The following NCOA2 variants were observed in gnomAD, a reference collection of about 807,000 sequenced individuals.
The protein encoded by NCOA2 is class E basic helix-loop-helix protein 75.
Under a neutral mutation model 145.1 loss-of-function variants are expected in NCOA2, and 21 were observed. That is an observed-to-expected ratio of 0.14 (90% CI 0.10 to 0.21). The LOEUF (loss-of-function observed/expected upper bound fraction) is 0.21, where lower values mean the gene tolerates loss of function less well. NCOA2 is among the 10% of genes least tolerant of loss of function. The pLI, the probability that NCOA2 is intolerant of heterozygous loss-of-function variation, is 1.00. For synonymous variants in NCOA2, 619 were observed against 637.5 expected, an observed-to-expected ratio of 0.97 and a Z score of 0.44; for missense variants, 1,472 against 1,837.6, an observed-to-expected ratio of 0.80 and a Z score of 3.64.
At chr8:70,351,385 C>A (rs947276732) in intron 1 of NCOA2, among the ~76,000 whole-genome samples, 1 of 152,014 alleles carries the variant, frequency 6.6e-6, no homozygotes, top group African/African-American at 2.4e-5. Flanking sequence ...CTAATTAAAC[C>A]CAGGATATTC....
chr8:70,137,750 G>A (rs1809905937), intron 15 of NCOA2, among the ~76,000 whole-genome samples: 3 of 152,218 alleles, frequency 2.0e-5, no homozygotes, highest in African/African-American at 7.2e-5. Context: ...CACACCGCCT[G>A]CCTGAGGTTC....
chr8:70,118,780 C>T (rs1466106234), intron 22 of NCOA2, among the ~76,000 whole-genome samples: 1 of 151,610 alleles, frequency 6.6e-6, no homozygotes, highest in Admixed American at 6.6e-5. Context: ...CTTCCGCCTC[C>T]CAGGTTCAAG....
At chr8:70,184,599 G>A (rs1815845195) in intron 4 of NCOA2, among the ~76,000 whole-genome samples, 1 of 152,168 alleles carries the variant, frequency 6.6e-6, no homozygotes, top group African/African-American at 2.4e-5. Flanking sequence ...AATCCCTGGA[G>A]AGGCTGCCAA....
intron 1 of NCOA2, among the ~76,000 whole-genome samples, chr8:70,359,176 C>G (rs904333219): frequency 6.6e-6 from 1 of 152,154 alleles, no homozygotes; most frequent in African/African-American, 2.4e-5. Context: ...TGTGGCATTT[C>G]CTCAAGAAGT....
At chr8:70,193,703 C>G (rs1816949505) in intron 4 of NCOA2, among the ~76,000 whole-genome samples, 1 of 152,180 alleles carries the variant, frequency 6.6e-6, no homozygotes, top group South Asian at 2.1e-4. Context: ...TCAGATGTAA[C>G]AAAATGAATA....
intron 12 of NCOA2, among the ~76,000 whole-genome samples, chr8:70,147,193 C>T (rs112941811): frequency 0.067 from 10,151 of 151,498 alleles, 434 homozygotes; most frequent in East Asian, 0.16. Context: ...AGTACAGCGG[C>T]GCAATCTCGG....
chr8:70,232,501 A>G (rs1821225094), intron 2 of NCOA2, among the ~76,000 whole-genome samples: 1 of 152,090 alleles, frequency 6.6e-6, no homozygotes. Flanking sequence ...ATACCCGTTC[A>G]ATTTGATTTT....
At chr8:70,279,436 C>T (rs1213447036) in intron 2 of NCOA2, among the ~76,000 whole-genome samples, 1 of 152,090 alleles carries the variant, frequency 6.6e-6, no homozygotes, top group Non-Finnish European at 1.5e-5. Context: ...ATTAGTATAC[C>T]TGAATAATTC....
At chr8:70,353,482 A>G (rs1262533459) in intron 1 of NCOA2, among the ~76,000 whole-genome samples, 1 of 147,630 alleles carries the variant, frequency 6.8e-6, no homozygotes, top group South Asian at 2.2e-4. Flanking sequence ...CTTTTTTAGC[A>G]TACTAGATGG....
chr8:70,334,835 C>T (rs1323429780), intron 1 of NCOA2, among the ~76,000 whole-genome samples: 1 of 152,056 alleles, frequency 6.6e-6, no homozygotes, highest in Non-Finnish European at 1.5e-5. Context: ...GTCAGATTCT[C>T]TCTCCTTGGC....
chr8:70,349,443 C>T (rs1369329560), intron 1 of NCOA2, among the ~76,000 whole-genome samples: 1 of 152,014 alleles, frequency 6.6e-6, no homozygotes, highest in Non-Finnish European at 1.5e-5. Flanking sequence ...TGAATTTTTA[C>T]CTGAGATCCC....
At chr8:70,376,030 C>A (rs930263776) in intron 1 of NCOA2, among the ~76,000 whole-genome samples, 2 of 152,160 alleles carry the variant, frequency 1.3e-5, no homozygotes, top group Non-Finnish European at 2.9e-5. Flanking sequence ...GAAAAATACT[C>A]TTCCATTCAA....
chr8:70,248,739 C>T (rs56129207), intron 2 of NCOA2, among the ~76,000 whole-genome samples: 3,418 of 144,092 alleles, frequency 0.024, 130 homozygotes, highest in African/African-American at 0.082. Flanking sequence ...TGTATTGTTT[C>T]GGGAATAATG....
chr8:70,336,155 G>T (rs1807569516), intron 1 of NCOA2, among the ~76,000 whole-genome samples: 1 of 152,080 alleles, frequency 6.6e-6, no homozygotes, highest in South Asian at 2.1e-4. Flanking sequence ...CAGCATGGTA[G>T]GTTTGTTTAT....
chr8:70,238,774 C>T (rs988134273), intron 2 of NCOA2, among the ~76,000 whole-genome samples: 12 of 152,098 alleles, frequency 7.9e-5, no homozygotes, highest in Non-Finnish European at 8.8e-5. Context: ...GCACCCAAAC[C>T]GTTCTCAGCA....
chr8:70,400,238 A>G (rs1359790464), intron 1 of NCOA2, among the ~76,000 whole-genome samples: 3 of 152,308 alleles, frequency 2.0e-5, no homozygotes, highest in Non-Finnish European at 4.4e-5. Context: ...CTCCTGCTTC[A>G]GTATACTGAC....
intron 1 of NCOA2, among the ~76,000 whole-genome samples, chr8:70,395,489 A>G (rs1300578873): frequency 6.6e-6 from 1 of 152,248 alleles, no homozygotes; most frequent in Non-Finnish European, 1.5e-5. Flanking sequence ...AGAAATTCAT[A>G]TACTCCCGAC....
In NCOA2 at chr8:70,200,548, C is replaced by T. The variant is rs73684222; in HGVS notation, c.259+13355G>A. ...TTAAGGGTTTCCTGACTGACAAAATCATTGTGTAATTCTGACTCGCCACTA... is the reference window on the plus strand; with the variant it reads ...TTAAGGGTTTCCTGACTGACAAAATTATTGTGTAATTCTGACTCGCCACTA... On this transcript the variant is annotated intron_variant, in intron 4 of 22. Coordinates refer to ENST00000452400, the MANE Select transcript of NCOA2 (RefSeq NM_006540.4). 1.4e-3 allele frequency among the ~76,000 whole-genome samples: 211 copies of T among 152,246 alleles called. 2 individuals carry two copies. The highest frequency in any genetic ancestry group is 4.9e-3 in the African/African-American group (204 of 41,530).
intron 2 of NCOA2, among the ~76,000 whole-genome samples, chr8:70,282,414 G>A (rs1002784160): frequency 1.8e-4 from 28 of 152,154 alleles, no homozygotes; most frequent in Non-Finnish European, 3.7e-4. Flanking sequence ...GGCCGGGCAC[G>A]GAGGCTCATG....
Sources: allele counts gnomAD v4.1 joint callset (sites outside exome capture counted in the v4.1 genomes callset), GRCh38; gene constraint gnomAD v4.1.1; transcripts MANE v1.5; gene names NCBI Gene and HGNC (gene_info 2026-07-23, HGNC 2026-07-21).